NKAIN2: variants seen among roughly 807,000 people sequenced by gnomAD.
NKAIN2 encodes the protein sodium/potassium transporting ATPase interacting 2, also known as sodium/potassium-transporting ATPase subunit beta-1-interacting protein 2.
NKAIN2 carries 14 observed loss-of-function variants against 32.6 expected under a neutral mutation model. The ratio of observed to expected loss-of-function variants is 0.43; its 90% CI spans 0.28 to 0.67. The LOEUF (loss-of-function observed/expected upper bound fraction) is 0.67. Among genes scored for constraint, NKAIN2 ranks in the 30% least tolerant of loss-of-function variants. NKAIN2 has a pLI of 0.17. For missense variants in NKAIN2, 198 were observed against 258.3 expected (o/e 0.77, Z 1.60); for synonymous variants, 80 against 87.2 (o/e 0.92, Z 0.46).
At chr6:124,559,488 C>G (rs1780606096) in intron 3 of NKAIN2, among the ~76,000 whole-genome samples, 1 of 152,176 alleles carries the variant, frequency 6.6e-6, no homozygotes, top group Admixed American at 6.5e-5. Context: ...AACATTATGG[C>G]TGACCCTGCT....
chr6:124,123,278 C>G (rs1429601782), intron 1 of NKAIN2, among the ~76,000 whole-genome samples: 1 of 151,698 alleles, frequency 6.6e-6, no homozygotes, highest in Admixed American at 6.6e-5. Flanking sequence ...CTAATAGGCT[C>G]CTGAAAGGAG....
intron 1 of NKAIN2, among the ~76,000 whole-genome samples, chr6:124,097,513 A>G (rs776213489): frequency 1.1e-4 from 16 of 152,228 alleles, no homozygotes; most frequent in Non-Finnish European, 1.9e-4. Context: ...ATAGTACATA[A>G]AAGAGTAGCC....
At chr6:123,998,477 G>T (rs866481485) in intron 1 of NKAIN2, among the ~76,000 whole-genome samples, 1 of 152,068 alleles carries the variant, frequency 6.6e-6, no homozygotes, top group African/African-American at 2.4e-5. Context: ...GTGCTGTGAC[G>T]TTTGAAATCG....
intron 1 of NKAIN2, among the ~76,000 whole-genome samples, chr6:124,055,124 A>G (rs1279870302): frequency 6.6e-6 from 1 of 152,010 alleles, no homozygotes; most frequent in Non-Finnish European, 1.5e-5. Context: ...TGCCTCCTGA[A>G]CAGAATTTTG....
chr6:124,127,071 A>G (rs1786210775), intron 1 of NKAIN2, among the ~76,000 whole-genome samples: 1 of 152,114 alleles, frequency 6.6e-6, no homozygotes, highest in Non-Finnish European at 1.5e-5. Context: ...ATATATAGAG[A>G]GAGAGAGAAG....
At chr6:123,818,538 C>T (rs1334163595) in intron 1 of NKAIN2, among the ~76,000 whole-genome samples, 2 of 152,030 alleles carry the variant, frequency 1.3e-5, no homozygotes, top group African/African-American at 2.4e-5. Flanking sequence ...CAGTTATTGC[C>T]AAAGAAGCAT....
At chr6:124,178,320 CAG>C (rs1258124068) in intron 1 of NKAIN2, among the ~76,000 whole-genome samples, 1 of 143,356 alleles carries the variant, frequency 7.0e-6, no homozygotes, top group African/African-American at 2.6e-5. Flanking sequence ...TTTTTTGAGA[CAG>C]AGTCTCGCTC....
At chr6:124,587,210 G>A (rs964972003) in intron 3 of NKAIN2, among the ~76,000 whole-genome samples, 7 of 152,070 alleles carry the variant, frequency 4.6e-5, no homozygotes, top group Non-Finnish European at 8.8e-5. Context: ...AAAAAGGAGG[G>A]GTAAAGTAGA....
chr6:124,474,908 TATAC>T (rs1777136641), intron 3 of NKAIN2, among the ~76,000 whole-genome samples: 2 of 114,708 alleles, frequency 1.7e-5, no homozygotes, highest in African/African-American at 2.7e-5. Context: ...TATCATATTA[TATAC>T]TATATATGTA....
chr6:124,153,901 T>C (rs2114408092), intron 1 of NKAIN2, among the ~76,000 whole-genome samples: 1 of 150,746 alleles, frequency 6.6e-6, no homozygotes, highest in South Asian at 2.1e-4. Context: ...TCTTTCCAAC[T>C]TCAGATGGAA....
chr6:124,347,543 C>G (rs1798491546), intron 2 of NKAIN2, among the ~76,000 whole-genome samples: 4 of 152,118 alleles, frequency 2.6e-5, no homozygotes, highest in Admixed American at 2.6e-4. Context: ...TCCTTTTATT[C>G]TTTTTTCTCT....
chr6:124,227,132 C>G (rs772045012), intron 1 of NKAIN2, among the ~76,000 whole-genome samples: 1 of 151,538 alleles, frequency 6.6e-6, no homozygotes, highest in African/African-American at 2.4e-5. Flanking sequence ...ATCTAGTGGC[C>G]TGAACTCAAA....
At chr6:124,155,562 T>A (rs1787941844) in intron 1 of NKAIN2, among the ~76,000 whole-genome samples, 1 of 151,558 alleles carries the variant, frequency 6.6e-6, no homozygotes. Flanking sequence ...TTATTTAGGA[T>A]AGATGATGAA....
intron 2 of NKAIN2, among the ~76,000 whole-genome samples, chr6:124,301,468 G>A (rs997690455): frequency 3.9e-5 from 6 of 152,162 alleles, no homozygotes; most frequent in African/African-American, 1.4e-4. Context: ...GCTGTGAGAA[G>A]AAGGCCACCA....
intron 3 of NKAIN2, among the ~76,000 whole-genome samples, chr6:124,644,684 G>A (rs1784108889): frequency 6.6e-6 from 1 of 152,104 alleles, no homozygotes; most frequent in South Asian, 2.1e-4. Context: ...GGATTATATG[G>A]CATGAGCCAC....
At chr6:124,021,153 A>C (rs1780844924) in intron 1 of NKAIN2, among the ~76,000 whole-genome samples, 1 of 151,986 alleles carries the variant, frequency 6.6e-6, no homozygotes, top group Non-Finnish European at 1.5e-5. Context: ...AGCCCATAGG[A>C]TTTTTCAACA....
chr6:124,086,134 A>C (rs1306072436), intron 1 of NKAIN2, among the ~76,000 whole-genome samples: 7 of 151,950 alleles, frequency 4.6e-5, no homozygotes, highest in Admixed American at 2.0e-4. Flanking sequence ...ACATAGTTTC[A>C]ATAATTCATT....
At chr6:123,932,121 T>G (rs2114523316) in intron 1 of NKAIN2, among the ~76,000 whole-genome samples, 1 of 152,332 alleles carries the variant, frequency 6.6e-6, no homozygotes, top group African/African-American at 2.4e-5. Flanking sequence ...TAAGTTTGGC[T>G]GCTCCATCTC....
At chr6:124,321,868 T>A (rs1797208723) in intron 2 of NKAIN2, among the ~76,000 whole-genome samples, 1 of 152,192 alleles carries the variant, frequency 6.6e-6, no homozygotes, top group African/African-American at 2.4e-5. Flanking sequence ...ATATGGTTAT[T>A]ATCCATATGG....
Sources: gnomAD v4.1 joint callset for allele counts (sites outside exome capture counted in the v4.1 genomes callset) on GRCh38, gnomAD v4.1.1 for gene constraint, MANE v1.5 for transcripts, NCBI Gene and HGNC (gene_info 2026-07-23, HGNC 2026-07-21) for gene names.